The following RBMS3 variants were observed in gnomAD, a reference collection of about 807,000 sequenced individuals.
RBMS3 encodes the protein RNA binding motif single stranded interacting protein 3.
Under a neutral mutation model 66.8 loss-of-function variants are expected in RBMS3, and 27 were observed. The observed-to-expected ratio is 0.40, with a 90% CI of 0.30 to 0.56. The LOEUF is 0.56. Among genes scored for constraint, RBMS3 ranks in the 20% least tolerant of loss-of-function variants. The pLI is 0.40. For missense variants in RBMS3, 513 were observed against 549.5 expected (o/e 0.93, Z 0.66); for synonymous variants, 188 against 183.0 (o/e 1.03, Z -0.22).
intron 6 of RBMS3, among the ~76,000 whole-genome samples, chr3:29,821,982 TC>T (rs1163232700): frequency 5.3e-5 from 8 of 152,168 alleles, no homozygotes; most frequent in Admixed American, 3.3e-4. Context: ...AGTCACTAAT[TC>T]CTAGGGAGCA....
At chr3:29,887,970 G>T (rs945576593) in intron 8 of RBMS3, among the ~76,000 whole-genome samples, 1 of 151,756 alleles carries the variant, frequency 6.6e-6, no homozygotes, top group Non-Finnish European at 1.5e-5. Flanking sequence ...CAATTTTCAA[G>T]GCAGTGAGGA....
At chr3:29,497,416 C>T (rs1027462219) in intron 3 of RBMS3, among the ~76,000 whole-genome samples, 2 of 152,178 alleles carry the variant, frequency 1.3e-5, no homozygotes, top group African/African-American at 4.8e-5. Context: ...TTTTACTAAT[C>T]CATGTTATCT....
chr3:29,970,406 G>T (rs960763655), intron 12 of RBMS3, among the ~76,000 whole-genome samples: 4 of 152,176 alleles, frequency 2.6e-5, no homozygotes, highest in African/African-American at 4.8e-5. Context: ...ACCCAATAAT[G>T]AGCACTTCTG....
intron 4 of RBMS3, among the ~76,000 whole-genome samples, chr3:29,612,808 T>A (rs755811150): frequency 6.6e-6 from 1 of 152,170 alleles, no homozygotes; most frequent in African/African-American, 2.4e-5. Flanking sequence ...AAAGCTTCAG[T>A]GGAGAATTAT....
intron 1 of RBMS3, among the ~76,000 whole-genome samples, chr3:29,374,635 G>A (rs2038373356): frequency 2.6e-5 from 4 of 152,146 alleles, no homozygotes; most frequent in Admixed American, 2.6e-4. Flanking sequence ...GTTTAAGTTA[G>A]GCTAGGCTAA....
intron 1 of RBMS3, among the ~76,000 whole-genome samples, chr3:29,334,331 A>G (rs1198334604): frequency 6.6e-6 from 1 of 152,190 alleles, no homozygotes; most frequent in Non-Finnish European, 1.5e-5. Context: ...GAAAAAAATG[A>G]AGAGGTTAGT....
chr3:29,590,599 A>G (rs1409191188), intron 4 of RBMS3, among the ~76,000 whole-genome samples: 1 of 152,032 alleles, frequency 6.6e-6, no homozygotes, highest in African/African-American at 2.4e-5. Context: ...AATGTTTAAC[A>G]CTTATTCTAT....
chr3:29,933,497 A>G (rs1254073150), intron 10 of RBMS3, among the ~76,000 whole-genome samples: 4 of 152,098 alleles, frequency 2.6e-5, no homozygotes, highest in Non-Finnish European at 5.9e-5. Flanking sequence ...AGTTACTTCC[A>G]GTTTACTCCC....
At chr3:29,646,042 C>T (rs981795101) in intron 4 of RBMS3, among the ~76,000 whole-genome samples, 13 of 152,212 alleles carry the variant, frequency 8.5e-5, no homozygotes, top group African/African-American at 3.1e-4. Context: ...AGCCTGCTAT[C>T]ATCTTCGATG....
Position 29,605,500 on chromosome 3 carries a change from C to A in RBMS3, c.399+18295C>A, listed in dbSNP as rs1230306840. ...GATTATTGTGTAGATTAGGGAACCA[C>A]CTACATACTTTCTGTACTTCATGGT... On this transcript the variant is annotated intron_variant, in intron 4 of 14. Coordinates refer to ENST00000383767, the MANE Select transcript of RBMS3 (RefSeq NM_001003793.3). Among the ~76,000 whole-genome samples the A allele has an allele frequency of 7.3e-5, 11 of 151,512 alleles. No homozygotes were observed. In the East Asian group the frequency reaches 2.1e-3, roughly 29 times the overall value.
intron 4 of RBMS3, among the ~76,000 whole-genome samples, chr3:29,593,346 C>T (rs2047825202): frequency 6.6e-6 from 1 of 152,080 alleles, no homozygotes; most frequent in Non-Finnish European, 1.5e-5. Flanking sequence ...TTTTATCATT[C>T]CTAGGTAAAG....
chr3:29,901,145 A>G (rs1392196258), intron 10 of RBMS3, among the ~76,000 whole-genome samples: 1 of 151,848 alleles, frequency 6.6e-6, no homozygotes, highest in East Asian at 1.9e-4. Flanking sequence ...TCTATGTTCT[A>G]TAAATCATAC....
At chr3:29,452,046 GT>G (rs2042034458) in intron 2 of RBMS3, among the ~76,000 whole-genome samples, 1 of 152,124 alleles carries the variant, frequency 6.6e-6, no homozygotes, top group Non-Finnish European at 1.5e-5. Flanking sequence ...CAGAGCAGTT[GT>G]TTTCTGGATC....
Position 29,527,181 on chromosome 3 carries a change from T to TTAAAAAAAAA in RBMS3, c.307+38682_307+38683insTAAAAAAAAA, listed in dbSNP as rs1491567884. The stretch of plus-strand genomic sequence containing the variant: ...TTTCAGACGTGATTGTTAGGTAGAG[T>TTAAAAAAAAA]AAAAAAAAAAAAAAAAAAAAAAAAA... On this transcript the variant is annotated intron_variant, in intron 3 of 14. Coordinates refer to ENST00000383767, the MANE Select transcript of RBMS3 (RefSeq NM_001003793.3). Among the ~76,000 whole-genome samples the TTAAAAAAAAA allele has an allele frequency of 5.6e-4, 49 of 87,814 alleles. 3 individuals are homozygous for TTAAAAAAAAA. The highest frequency in any genetic ancestry group is 1.5e-3 in the African/African-American group (32 of 21,068). 57.6% of individuals were successfully genotyped at this position (87,814 alleles called of 152,430 possible).
At chr3:29,753,363 C>T (rs2055266780) in intron 5 of RBMS3, among the ~76,000 whole-genome samples, 1 of 152,188 alleles carries the variant, frequency 6.6e-6, no homozygotes, top group Non-Finnish European at 1.5e-5. Context: ...TGCATACATT[C>T]CCTCAAGACT....
At chr3:29,311,843 A>G (rs978421270) in intron 1 of RBMS3, among the ~76,000 whole-genome samples, 1 of 151,836 alleles carries the variant, frequency 6.6e-6, no homozygotes, top group Admixed American at 6.6e-5. Flanking sequence ...CAATCATTAA[A>G]TCAATCAGGG....
At chr3:30,002,605 A>C (rs1699661269) in intron 14 of RBMS3, among the ~76,000 whole-genome samples, 1 of 152,058 alleles carries the variant, frequency 6.6e-6, no homozygotes, top group Non-Finnish European at 1.5e-5. Flanking sequence ...CTTAGAAGAT[A>C]TCTCACTTTC....
chr3:29,668,826 T>A (rs1182712768), intron 4 of RBMS3, among the ~76,000 whole-genome samples: 2 of 152,248 alleles, frequency 1.3e-5, no homozygotes, highest in African/African-American at 4.8e-5. Flanking sequence ...GTTATATAAC[T>A]GAGGTTTTGA....
At chr3:29,329,933 A>G (rs997547280) in intron 1 of RBMS3, among the ~76,000 whole-genome samples, 2 of 148,528 alleles carry the variant, frequency 1.3e-5, no homozygotes, top group African/African-American at 4.9e-5. Flanking sequence ...TAATATATAT[A>G]TTAATATAAC....
Sources: allele counts gnomAD v4.1 joint callset (sites outside exome capture counted in the v4.1 genomes callset), GRCh38; gene constraint gnomAD v4.1.1; transcripts MANE v1.5; gene names NCBI Gene and HGNC (gene_info 2026-07-23, HGNC 2026-07-21).